SEMA5B: variants seen among roughly 807,000 people sequenced by gnomAD.
The protein encoded by SEMA5B is semaphorin 5B.
A neutral mutation model predicts 135.0 loss-of-function variants in SEMA5B; 66 were observed. That is an observed-to-expected ratio of 0.49 (90% CI 0.40 to 0.60). The LOEUF is 0.60. Among genes scored for constraint, SEMA5B ranks in the 20% least tolerant of loss-of-function variants. The probability of loss-of-function intolerance (pLI) is 0.00; values close to 1 mark genes in which losing one functional copy is unlikely to be tolerated. For missense variants in SEMA5B, 1,501 were observed against 1,566.3 expected (o/e 0.96, Z 0.70); for synonymous variants, 690 against 639.5 (o/e 1.08, Z -1.19).
chr3:122,935,524 G>A (rs904995473), intron 5 of SEMA5B, among the ~76,000 whole-genome samples: 3 of 152,008 alleles, frequency 2.0e-5, no homozygotes, highest in South Asian at 2.1e-4. Context: ...TTAATTTAGA[G>A]AATGTCAATC....
intron 1 of SEMA5B, among the ~76,000 whole-genome samples, chr3:122,996,805 A>G (rs977428954): frequency 2.6e-5 from 4 of 152,162 alleles, no homozygotes; most frequent in African/African-American, 9.7e-5. Context: ...AGGCAGCCCG[A>G]GTAGCGTTCG....
intron 1 of SEMA5B, among the ~76,000 whole-genome samples, chr3:122,991,664 G>T (rs138438670): frequency 2.0e-5 from 3 of 151,160 alleles, no homozygotes; most frequent in Non-Finnish European, 4.4e-5. Context: ...TCTCAGATGA[G>T]TCAGAATCAT....
At chr3:122,945,980 G>A (rs1193383320) in intron 3 of SEMA5B, among the ~76,000 whole-genome samples, 1 of 152,074 alleles carries the variant, frequency 6.6e-6, no homozygotes, top group African/African-American at 2.4e-5. Context: ...CTTGGGAAGG[G>A]AACCAGCCTG....
chr3:123,018,124 G>T (rs375939362), intron 1 of SEMA5B, among the ~76,000 whole-genome samples: 2 of 152,164 alleles, frequency 1.3e-5, no homozygotes, highest in Non-Finnish European at 2.9e-5. Flanking sequence ...CCTCAGAGCC[G>T]CAAAGACATA....
In SEMA5B at chr3:122,928,539, GA is replaced by G. The variant is rs1307403786; in HGVS notation, c.613del (p.Ser205ProfsTer136). The G allele has an allele frequency of 1.3e-6, 2 of 1,564,132 alleles. No homozygotes were observed. Among genetic ancestry groups the G allele is most frequent in the Non-Finnish European group, 8.7e-7 (1 of 1,153,940 alleles). ...CACCTGTCTGCTGGTGCACATGGGG[GA>G]AAAGGCATTGGTTCCACACATGAAC... ...KVFMCGTNAFSPMCTSRQVGN... is the reference protein window; with the variant it reads ...KVFMCGTNAFXPMCTSRQVGN... On this transcript the variant is annotated frameshift_variant, in exon 7 of 23. Transcript: ENST00000357599. LOFTEE classifies it high-confidence loss of function.
intron 1 of SEMA5B, among the ~76,000 whole-genome samples, chr3:122,965,113 G>A (rs1434884311): frequency 1.3e-5 from 2 of 152,222 alleles, no homozygotes; most frequent in African/African-American, 4.8e-5. Flanking sequence ...AGACTAGGAA[G>A]AAGCAGCTTG....
Position 122,912,943 on chromosome 3 carries a change from G to A in SEMA5B, c.2625C>T (p.Val875=). Residue 875 remains valine (V), a synonymous_variant, in exon 18 of 23, where the codon GTC becomes GTT. Transcript: ENST00000357599. ...CCGGGTTAGTGCACGTTCTCTTGCG[G>A]ACGCGGAAGCCCAGCTCGCAGTCCC... The part of the protein sequence containing the change: ...CSRDCELGFR[V]RKRTCTNPEP... The A allele has an allele frequency of 6.2e-7, 1 of 1,612,868 alleles. No homozygotes were observed.
At chr3:122,918,705 C>T (rs1392037654) in intron 12 of SEMA5B, among the ~76,000 whole-genome samples, 1 of 152,242 alleles carries the variant, frequency 6.6e-6, no homozygotes, top group African/African-American at 2.4e-5. Flanking sequence ...CACGCCTGCC[C>T]TGCCCCTTCC....
chr3:123,008,262 G>C (rs1338327054), intron 1 of SEMA5B, among the ~76,000 whole-genome samples: 1 of 152,150 alleles, frequency 6.6e-6, no homozygotes, highest in Non-Finnish European at 1.5e-5. Flanking sequence ...ATAAGGTCTG[G>C]CCTCTAATCA....
chr3:123,008,486 G>A (rs774802129), intron 1 of SEMA5B, among the ~76,000 whole-genome samples: 4 of 152,152 alleles, frequency 2.6e-5, no homozygotes, highest in Non-Finnish European at 1.5e-5. Flanking sequence ...ATCAGGTATG[G>A]CTGGATATAG....
chr3:122,961,632 A>C (rs1411654058), intron 1 of SEMA5B, among the ~76,000 whole-genome samples: 1 of 151,868 alleles, frequency 6.6e-6, no homozygotes, highest in Non-Finnish European at 1.5e-5. Flanking sequence ...CTAATTTTTA[A>C]AACTTTTTGT....
chr3:122,950,965 G>C (rs11706210), intron 2 of SEMA5B, among the ~76,000 whole-genome samples: 19,434 of 152,138 alleles, frequency 0.13, 1,427 homozygotes, highest in South Asian at 0.2. Flanking sequence ...ACAGGGTCTT[G>C]CTCTGTCTCC....
chr3:123,020,100 T>G (rs1044282823), intron 1 of SEMA5B, among the ~76,000 whole-genome samples: 1 of 152,232 alleles, frequency 6.6e-6, no homozygotes, highest in Non-Finnish European at 1.5e-5. Flanking sequence ...TCTGAGGAAA[T>G]AATCATTGAT....
At chr3:123,020,599 G>T (rs1347139622) in intron 1 of SEMA5B, among the ~76,000 whole-genome samples, 3 of 152,216 alleles carry the variant, frequency 2.0e-5, no homozygotes, top group East Asian at 1.9e-4. Context: ...AAGAGGTTCT[G>T]CATGCCATTG....
intron 14 of SEMA5B, 26 bp from the exon 15 acceptor site, chr3:122,914,027 C>T (rs764982976): frequency 9.0e-6 from 14 of 1,552,202 alleles, no homozygotes; most frequent in Non-Finnish European, 1.2e-5. Context: ...GGGACAGAGA[C>T]AGATGCCCCT....
At chr3:122,923,781 C>A in intron 9 of SEMA5B, 29 bp from the exon 10 acceptor site, 3 of 1,613,294 alleles carry the variant, frequency 1.9e-6, no homozygotes, top group Non-Finnish European at 2.5e-6. Context: ...TGGCACAGGG[C>A]CCTCCCTGTA....
intron 12 of SEMA5B, among the ~76,000 whole-genome samples, chr3:122,919,239 A>G (rs1938233125): frequency 6.6e-6 from 1 of 152,264 alleles, no homozygotes; most frequent in East Asian, 1.9e-4. Context: ...TGGGGCAGCC[A>G]GGGGAGATCT....
At chr3:122,920,865 C>T (rs1938311810) in intron 12 of SEMA5B, among the ~76,000 whole-genome samples, 1 of 152,202 alleles carries the variant, frequency 6.6e-6, no homozygotes, top group African/African-American at 2.4e-5. Flanking sequence ...GCCTATTTCT[C>T]TTGCCTTCTC....
chr3:122,931,982 A>G (rs980120611), intron 5 of SEMA5B, among the ~76,000 whole-genome samples: 3 of 152,236 alleles, frequency 2.0e-5, no homozygotes, highest in Admixed American at 6.5e-5. Flanking sequence ...TCAAGACTGC[A>G]CCTGGCTGAA....
Sources: gnomAD v4.1 joint callset for allele counts (sites outside exome capture counted in the v4.1 genomes callset) on GRCh38, gnomAD v4.1.1 for gene constraint, MANE v1.5 for transcripts, NCBI Gene and HGNC (gene_info 2026-07-23, HGNC 2026-07-21) for gene names.